Variants in AGPAT4 observed in about 807,000 individuals in gnomAD.
AGPAT4 encodes the protein 1-acylglycerol-3-phosphate O-acyltransferase 4, also known as 1-acyl-sn-glycerol-3-phosphate acyltransferase delta.
AGPAT4 carries 15 observed loss-of-function variants against 48.0 expected under a neutral mutation model. That is an observed-to-expected ratio of 0.31 (90% CI 0.21 to 0.48). The LOEUF (loss-of-function observed/expected upper bound fraction) is 0.48. AGPAT4 is among the 20% of genes least tolerant of loss of function. The pLI, the probability that AGPAT4 is intolerant of heterozygous loss-of-function variation, is 0.99. For synonymous variants in AGPAT4, 178 were observed against 198.7 expected, an observed-to-expected ratio of 0.90 and a Z score of 0.88; for missense variants, 314 against 482.5, an observed-to-expected ratio of 0.65 and a Z score of 3.27.
rs1783450078 is a variant in AGPAT4, at chr6:161,272,332, CAT to C, written c.-90+1604_-90+1605del. 6.6e-6 allele frequency among the ~76,000 whole-genome samples: 1 copy of C among 152,158 alleles called. No homozygotes were observed. The highest frequency in any genetic ancestry group is 1.5e-5 in the Non-Finnish European group (1 of 68,040). On this transcript the variant is annotated intron_variant, in intron 1 of 8. Transcript: ENST00000320285. This position sits in a 1 kb window ranked among gnomAD's most constrained non-coding sequence, Gnocchi z 4.2. ...GTATGAGGGCTAAGTGACCTTCACACATGTTTATCTTAAATTATAGATAATTT... is the reference window on the plus strand; with the variant it reads ...GTATGAGGGCTAAGTGACCTTCACACGTTTATCTTAAATTATAGATAATTT...
rs1779171374 is a variant in AGPAT4 at position 161,139,195 on chromosome 6, G to A, written c.1042+227C>T. On this transcript the variant is annotated intron_variant, in intron 8 of 8. Transcript: ENST00000320285. This position sits in a 1 kb window ranked among gnomAD's most constrained non-coding sequence, Gnocchi z 9.1. ...CCCAACAGGGAACGTGTGGAATCCA[G>A]CCCCAGGTGGGAGGCTGGACCGTCC... Among the ~76,000 whole-genome samples the A allele has an allele frequency of 6.6e-6, 1 of 152,200 alleles. No homozygotes were observed. The highest frequency in any genetic ancestry group is 1.5e-5 in the Non-Finnish European group (1 of 68,024).
chr6:161,151,150 C>T (rs1407310843), intron 5 of AGPAT4, among the ~76,000 whole-genome samples: 1 of 152,254 alleles, frequency 6.6e-6, no homozygotes, highest in African/African-American at 2.4e-5. Context: ...CCAGCCCCCG[C>T]CAGCCAGGAG....
rs1388933110 is a variant in AGPAT4, at chr6:161,195,569, A to G, written c.179-29152T>C. Among the ~76,000 whole-genome samples, 1 of 152,240 alleles carries G rather than the reference A, an allele frequency of 6.6e-6. No individual in the cohort carries two copies. Among genetic ancestry groups the G allele is most frequent in the East Asian group, 1.9e-4 (1 of 5,194 alleles). Reference sequence around the variant, plus strand: ...TAACAGTTCACTCAGCAAGCCCATGATGCCTGTAGTATAAAAGCAAATGTT... The same window carrying G: ...TAACAGTTCACTCAGCAAGCCCATGGTGCCTGTAGTATAAAAGCAAATGTT... On this transcript the variant is annotated intron_variant, in intron 2 of 8. Transcript: ENST00000320285. This position sits in a 1 kb window ranked among gnomAD's most constrained non-coding sequence, Gnocchi z 5.0.
Position 161,169,002 on chromosome 6 carries a change from A to G in AGPAT4, c.179-2585T>C, listed in dbSNP as rs1780193187. Reference sequence around the variant, plus strand: ...TAGCATGACATGGGGCATAGCAGGCAATCAATAAATGGACAGCTTTTTAAT... The same window carrying G: ...TAGCATGACATGGGGCATAGCAGGCGATCAATAAATGGACAGCTTTTTAAT... On this transcript the variant is annotated intron_variant, in intron 2 of 8. Transcript: ENST00000320285. This position sits in a 1 kb window ranked among gnomAD's most constrained non-coding sequence, Gnocchi z 5.0. Among the ~76,000 whole-genome samples, 1 of 152,188 alleles carries G rather than the reference A, an allele frequency of 6.6e-6. No individual in the cohort carries two copies. The highest frequency in any genetic ancestry group is 2.4e-5 in the African/African-American group (1 of 41,438).
rs1306681433 is a variant in AGPAT4, at chr6:161,139,753, C to G, written c.844-133G>C. ...GGCTCGGCAGAACTGGGGTCTGCAG[C>G]TCCTTCCAGAAAGCACTTTGTAGGC... is the stretch of plus-strand genomic sequence containing the variant. On this transcript the variant is annotated intron_variant, in intron 7 of 8. Transcript: ENST00000320285. This position sits in a 1 kb window ranked among gnomAD's most constrained non-coding sequence, Gnocchi z 9.1. The G allele has an allele frequency of 1.4e-6, 1 of 727,864 alleles. No individual in the cohort carries two copies. Among genetic ancestry groups the G allele is most frequent in the Non-Finnish European group, 2.2e-6 (1 of 450,202 alleles). The allele number at this position is 727,864 out of a possible 1,614,324, so 45.1% of individuals were successfully genotyped here. A position where few individuals can be genotyped will look rare whatever the true frequency, so the allele number is the denominator to read the frequency against.
Position 161,206,492 on chromosome 6 carries a change from G to T in AGPAT4, c.178+25544C>A, listed in dbSNP as rs1781381938. On this transcript the variant is annotated intron_variant, in intron 2 of 8. Transcript: ENST00000320285. This position sits in a 1 kb window ranked among gnomAD's most constrained non-coding sequence, Gnocchi z 4.8. ...CACTGGGGGCAGAGTGGGGAACCTGGACTTCTACCCTTACCTGGCAATAAT... is the reference window on the plus strand; with the variant it reads ...CACTGGGGGCAGAGTGGGGAACCTGTACTTCTACCCTTACCTGGCAATAAT... 6.6e-6 allele frequency among the ~76,000 whole-genome samples: 1 copy of T among 152,124 alleles called. No homozygotes were observed. The highest frequency in any genetic ancestry group is 1.5e-5 in the Non-Finnish European group (1 of 68,028).
In AGPAT4 at chr6:161,224,535, G is replaced by A. The variant is rs781472611; in HGVS notation, c.178+7501C>T. Among the ~76,000 whole-genome samples the A allele has an allele frequency of 3.2e-4, 48 of 151,586 alleles. 2 individuals are homozygous for A. In the South Asian group the frequency reaches 5.5e-3, roughly 17 times the overall value. On this transcript the variant is annotated intron_variant, in intron 2 of 8. Coordinates refer to ENST00000320285, the MANE Select transcript of AGPAT4 (RefSeq NM_020133.3). ...CACCTGTCTGTAATCCCAGCTACTC[G>A]GGAGGCTGAGGCAGGAGAATCATCT...
chr6:161,272,705 A>AACACACACAC lies in AGPAT4; in HGVS notation c.-90+1223_-90+1232dup, dbSNP rs3043142. ...TCCCTGCCCGCCTCCCATTTCCCTA[A>AACACACACAC]ACACACACACACACACACACACACA... On this transcript the variant is annotated intron_variant, in intron 1 of 8. Transcript: ENST00000320285. The surrounding 1 kb of genome is among the most constrained non-coding windows in gnomAD (Gnocchi z 4.2). Among the ~76,000 whole-genome samples the AACACACACAC allele has an allele frequency of 3.8e-3, 562 of 147,172 alleles. 3 individuals carry two copies. Among genetic ancestry groups the AACACACACAC allele is most frequent in the African/African-American group, 0.011 (445 of 39,910 alleles).
chr6:161,189,608 C>T lies in AGPAT4; in HGVS notation c.179-23191G>A, dbSNP rs974086124. ...CCCCAGGCCACTGAGACGGTACGGA[C>T]TTCTGTCTGTGCTGTACACTTGCAC... On this transcript the variant is annotated intron_variant, in intron 2 of 8. Coordinates refer to ENST00000320285, the MANE Select transcript of AGPAT4 (RefSeq NM_020133.3). The surrounding 1 kb of genome is among the most constrained non-coding windows in gnomAD (Gnocchi z 5.3). Among the ~76,000 whole-genome samples, 5 of 152,168 alleles carry T rather than the reference C, an allele frequency of 3.3e-5. No homozygotes were observed. The highest frequency in any genetic ancestry group is 7.2e-5 in the African/African-American group (3 of 41,424).
chr6:161,221,384 C>T lies in AGPAT4; in HGVS notation c.178+10652G>A, dbSNP rs1244425836. Among the ~76,000 whole-genome samples the T allele has an allele frequency of 2.0e-5, 3 of 152,090 alleles. No individual in the cohort carries two copies. The highest frequency in any genetic ancestry group is 2.1e-4 in the South Asian group (1 of 4,816). ...GGTGGGAAAAAGGATTTCTTGGCCT[C>T]GTCCATGGATAAAAGCAAGGTATTT... On this transcript the variant is annotated intron_variant, in intron 2 of 8. Coordinates refer to ENST00000320285, the MANE Select transcript of AGPAT4 (RefSeq NM_020133.3). The surrounding 1 kb of genome is among the most constrained non-coding windows in gnomAD (Gnocchi z 4.5).
rs1403789871 is a variant in AGPAT4 at position 161,229,687 on chromosome 6, A to C, written c.178+2349T>G. ...AGGTGCCCACGAGCCACCCAGGATCATCACCCTCCCTTTCTACTGTATTCT... is the reference window on the plus strand; with the variant it reads ...AGGTGCCCACGAGCCACCCAGGATCCTCACCCTCCCTTTCTACTGTATTCT... On this transcript the variant is annotated intron_variant, in intron 2 of 8. Transcript: ENST00000320285. The surrounding 1 kb of genome is among the most constrained non-coding windows in gnomAD (Gnocchi z 6.0). Among the ~76,000 whole-genome samples the C allele has an allele frequency of 3.9e-5, 6 of 152,266 alleles. No homozygotes were observed. The highest frequency in any genetic ancestry group is 2.1e-4 in the South Asian group (1 of 4,826).
At chr6:161,248,080 TC>T (rs1455064137) in intron 1 of AGPAT4, among the ~76,000 whole-genome samples, 2 of 146,672 alleles carry the variant, frequency 1.4e-5, no homozygotes, top group African/African-American at 5.1e-5. Flanking sequence ...AGTCAAACTA[TC>T]CCTGTTTGTA....
rs1000715226 is a variant in AGPAT4 at position 161,246,606 on chromosome 6, T to C, written c.-89-14304A>G. On this transcript the variant is annotated intron_variant, in intron 1 of 8. Transcript: ENST00000320285. This position sits in a 1 kb window ranked among gnomAD's most constrained non-coding sequence, Gnocchi z 5.5. ...GTATTTTTAGTCTAGATGGGGTTTC[T>C]CCATGTTGGTCAGGCTGGTCTCGAA... Among the ~76,000 whole-genome samples, 1 of 152,062 alleles carries C rather than the reference T, an allele frequency of 6.6e-6. No individual in the cohort carries two copies. Among genetic ancestry groups the C allele is most frequent in the Non-Finnish European group, 1.5e-5 (1 of 68,016 alleles).
At chr6:161,172,644 A>C (rs1159553348) in intron 2 of AGPAT4, among the ~76,000 whole-genome samples, 1 of 152,052 alleles carries the variant, frequency 6.6e-6, no homozygotes, top group Non-Finnish European at 1.5e-5. Context: ...TTTATTTTTT[A>C]TTTATTATTA....
rs770104173 is a variant in AGPAT4 at position 161,195,784 on chromosome 6, G to A, written c.179-29367C>T. ...ATTTAGGGAGGCATGCCACACCCTC[G>A]GGGCTCGTCACACAGGCATGGCTCT... On this transcript the variant is annotated intron_variant, in intron 2 of 8. Coordinates refer to ENST00000320285, the MANE Select transcript of AGPAT4 (RefSeq NM_020133.3). This position sits in a 1 kb window ranked among gnomAD's most constrained non-coding sequence, Gnocchi z 5.0. Among the ~76,000 whole-genome samples, 21 of 152,104 alleles carry A rather than the reference G, an allele frequency of 1.4e-4. No individual in the cohort carries two copies. Among genetic ancestry groups the A allele is most frequent in the Non-Finnish European group, 2.8e-4 (19 of 68,018 alleles).
At position 161,154,044 on chromosome 6, in the gene AGPAT4, C is replaced by T. The variant is rs972607058; in HGVS notation, c.510+105G>A. On this transcript the variant is annotated intron_variant, in intron 4 of 8. Coordinates refer to ENST00000320285, the MANE Select transcript of AGPAT4 (RefSeq NM_020133.3). This position sits in a 1 kb window ranked among gnomAD's most constrained non-coding sequence, Gnocchi z 7.8. ...CTATGGTCACACACAGCCCTGGAGTCGCACAGGACCACACAGTCACGTGTC... is the reference window on the plus strand; with the variant it reads ...CTATGGTCACACACAGCCCTGGAGTTGCACAGGACCACACAGTCACGTGTC... 64 of 1,455,364 alleles carry T rather than the reference C, an allele frequency of 4.4e-5. No individual in the cohort carries two copies. The highest frequency in any genetic ancestry group is 8.9e-5 in the Admixed American group (5 of 56,374). 90.2% of individuals were successfully genotyped at this position (1,455,364 alleles called of 1,614,324 possible).
Position 161,161,259 on chromosome 6 carries a change from A to C in AGPAT4, c.348+4989T>G, listed in dbSNP as rs1276063077. 4.4e-6 allele frequency: 2 copies of C among 456,490 alleles called. No homozygotes were observed. Among genetic ancestry groups the C allele is most frequent in the Non-Finnish European group, 8.8e-6 (2 of 226,936 alleles). The allele number at this position is 456,490 out of a possible 1,614,324, so 28.3% of individuals were successfully genotyped here. A position where few individuals can be genotyped will look rare whatever the true frequency, so the allele number is the denominator to read the frequency against. On this transcript the variant is annotated intron_variant, in intron 3 of 8. Coordinates refer to ENST00000320285, the MANE Select transcript of AGPAT4 (RefSeq NM_020133.3). This position sits in a 1 kb window ranked among gnomAD's most constrained non-coding sequence, Gnocchi z 4.6. Reference sequence around the variant, plus strand: ...TGGGACCGGACTTTTACAGATGAGCATGCGCTCCCACCTCCAGGATGGTAG... The same window carrying C: ...TGGGACCGGACTTTTACAGATGAGCCTGCGCTCCCACCTCCAGGATGGTAG...
intron 1 of AGPAT4, among the ~76,000 whole-genome samples, chr6:161,239,930 A>G: frequency 6.6e-6 from 1 of 152,174 alleles, no homozygotes; most frequent in Non-Finnish European, 1.5e-5. Flanking sequence ...ATTAACTTTC[A>G]GAAAATTCCC....
At position 161,204,049 on chromosome 6, in the gene AGPAT4, T is replaced by A. The variant is rs1044771731; in HGVS notation, c.178+27987A>T. ...AAAGCCACTCATGATTAATGTTGATTCTAGGTTGTTAAATGTTTAAAAACA... is the reference window on the plus strand; with the variant it reads ...AAAGCCACTCATGATTAATGTTGATACTAGGTTGTTAAATGTTTAAAAACA... On this transcript the variant is annotated intron_variant, in intron 2 of 8. Transcript: ENST00000320285. The surrounding 1 kb of genome is among the most constrained non-coding windows in gnomAD (Gnocchi z 4.4). 1.3e-5 allele frequency among the ~76,000 whole-genome samples: 2 copies of A among 152,196 alleles called. No individual in the cohort carries two copies. Among genetic ancestry groups the A allele is most frequent in the Admixed American group, 6.5e-5 (1 of 15,280 alleles).
Sources: gnomAD v4.1 joint callset for allele counts (sites outside exome capture counted in the v4.1 genomes callset) on GRCh38, gnomAD v4.1.1 for gene constraint, Gnocchi (gnomAD v3.1) non-coding constraint, MANE v1.5 for transcripts, NCBI Gene and HGNC (gene_info 2026-07-23, HGNC 2026-07-21) for gene names.